Variants in CDH2 observed in about 807,000 individuals in gnomAD.
CDH2 encodes the protein cadherin 2.
Under a neutral mutation model 92.0 loss-of-function variants are expected in CDH2, and 17 were observed. That is an observed-to-expected ratio of 0.18 (90% CI 0.13 to 0.28). The LOEUF is 0.28. CDH2 is among the 10% of genes least tolerant of loss of function. The pLI is 1.00. For synonymous variants in CDH2, 419 were observed against 415.9 expected (o/e 1.01, Z -0.09); for missense variants, 862 against 1,133.1 (o/e 0.76, Z 3.44).
At chr18:28,106,336 G>C (rs908305684) in intron 2 of CDH2, among the ~76,000 whole-genome samples, 6 of 152,176 alleles carry the variant, frequency 3.9e-5, no homozygotes, top group African/African-American at 1.4e-4. Context: ...AGAATCGCTT[G>C]AACCTGGGAG....
At chr18:28,006,091 A>C in intron 5 of CDH2, 98 bp from the exon 6 acceptor site, 43 of 968,794 alleles carry the variant, frequency 4.4e-5, no homozygotes, top group Non-Finnish European at 6.4e-5. Context: ...GAATAAACTC[A>C]CAGCTGAAAA....
At chr18:28,168,062 G>A (rs917389862) in intron 1 of CDH2, among the ~76,000 whole-genome samples, 3 of 152,206 alleles carry the variant, frequency 2.0e-5, no homozygotes, top group South Asian at 2.1e-4. Flanking sequence ...TATGTTAAGC[G>A]GGAGCGGGGG....
intron 15 of CDH2, chr18:27,954,466 C>T (rs932354796): frequency 8.5e-5 from 13 of 152,274 alleles, no homozygotes; most frequent in African/African-American, 3.1e-4. Context: ...TTCAAGAACT[C>T]TATCTAATGT....
At chr18:28,170,219 C>A (rs182762389) in intron 1 of CDH2, among the ~76,000 whole-genome samples, 1 of 152,296 alleles carries the variant, frequency 6.6e-6, no homozygotes, top group Non-Finnish European at 1.5e-5. Flanking sequence ...TTTAGGTTAT[C>A]TTCATTCTTA....
chr18:28,112,429 G>C (rs1215892098), intron 2 of CDH2, among the ~76,000 whole-genome samples: 1 of 152,172 alleles, frequency 6.6e-6, no homozygotes, highest in Non-Finnish European at 1.5e-5. Flanking sequence ...CAAATGGCCA[G>C]TAAAGAGGCC....
intron 2 of CDH2, among the ~76,000 whole-genome samples, chr18:28,072,694 A>G (rs1324780874): frequency 1.3e-5 from 2 of 152,258 alleles, no homozygotes; most frequent in African/African-American, 2.4e-5. Context: ...AGGCTTTCTG[A>G]GCTTTATGAT....
At chr18:27,959,191 T>G (rs1489703743) in intron 15 of CDH2, among the ~76,000 whole-genome samples, 5 of 152,208 alleles carry the variant, frequency 3.3e-5, no homozygotes, top group Non-Finnish European at 7.3e-5. Flanking sequence ...GAAGGTCATG[T>G]TTAAAAATTC....
chr18:28,162,960 T>A (rs1208606170), intron 1 of CDH2, among the ~76,000 whole-genome samples: 1 of 152,172 alleles, frequency 6.6e-6, no homozygotes, highest in East Asian at 1.9e-4. Context: ...GTCGGCTATC[T>A]AGAAGGTTCT....
chr18:28,034,369 A>T (rs1252025526), intron 2 of CDH2, among the ~76,000 whole-genome samples: 1 of 152,140 alleles, frequency 6.6e-6, no homozygotes, highest in Non-Finnish European at 1.5e-5. Flanking sequence ...TGAAAAATAC[A>T]ATGGTTTTTC....
At position 28,177,061 on chromosome 18, in the gene CDH2, G is replaced by A; in HGVS notation, c.-39C>T. On this transcript the variant is annotated 5_prime_UTR_variant, in exon 1 of 16. Transcript: ENST00000269141. ...GGCCGAGCGAAGAGCCGGAGGAGGC[G>A]GCGGCGGCGGCGGCGGCGGCGGAGG... is the stretch of plus-strand genomic sequence containing the variant. 1.6e-6 allele frequency: 2 copies of A among 1,228,370 alleles called. No individual in the cohort carries two copies. Among genetic ancestry groups the A allele is most frequent in the East Asian group, 3.2e-5 (1 of 31,278 alleles). The allele number at this position is 1,228,370 out of a possible 1,614,324, so 76.1% of individuals were successfully genotyped here.
chr18:27,963,321 A>C (rs745585427), intron 15 of CDH2, 36 bp downstream of exon 15: 1 of 1,601,832 alleles, frequency 6.2e-7, no homozygotes, highest in Non-Finnish European at 8.5e-7. Context: ...GCATGAAATG[A>C]AAACTCTTAT....
downstream of CDH2, among the ~76,000 whole-genome samples, chr18:27,947,653 ATATAAG>A (rs769463829): frequency 1.0e-4 from 15 of 147,568 alleles, no homozygotes; most frequent in Admixed American, 6.0e-4. Context: ...TAAGTATGTG[ATATAAG>A]TATATGTGAT....
Position 27,995,313 on chromosome 18 carries a change from C to CG in CDH2, c.1021-1677_1021-1676insC, listed in dbSNP as rs767713105. On this transcript the variant is annotated intron_variant, in intron 7 of 15. Transcript: ENST00000269141. ...TGGGCGACAGAATGAGACTCCATCT[C>CG]AAAAAAAAAAAAAAAAAAAAAATGT... is the stretch of plus-strand genomic sequence containing the variant. 8.7e-5 allele frequency among the ~76,000 whole-genome samples: 7 copies of CG among 80,262 alleles called. No homozygotes were observed. In the East Asian group the frequency reaches 2.0e-3, roughly 23 times the overall value. The allele number at this position is 80,262 out of a possible 152,430, so 52.7% of individuals were successfully genotyped here.
At chr18:28,077,372 CG>C (rs1449449914) in intron 2 of CDH2, among the ~76,000 whole-genome samples, 2 of 151,908 alleles carry the variant, frequency 1.3e-5, no homozygotes, top group African/African-American at 4.8e-5. Flanking sequence ...AAGATGTTAC[CG>C]GATCAGAAAT....
chr18:28,174,641 T>C (rs1031378821), intron 1 of CDH2, among the ~76,000 whole-genome samples: 4 of 152,202 alleles, frequency 2.6e-5, no homozygotes, highest in African/African-American at 7.2e-5. Flanking sequence ...ACGATATTTT[T>C]AGAAACACTT....
chr18:28,045,665 G>A (rs1280246383), intron 2 of CDH2: 2 of 275,164 alleles, frequency 7.3e-6, no homozygotes, highest in African/African-American at 2.2e-5. Flanking sequence ...AGCAGACAAA[G>A]CCCTCCCCCA....
intron 2 of CDH2, among the ~76,000 whole-genome samples, chr18:28,033,397 T>C (rs1426223406): frequency 6.6e-6 from 1 of 152,106 alleles, no homozygotes; most frequent in African/African-American, 2.4e-5. Flanking sequence ...TCCATTAGTC[T>C]GAAGGGAGAA....
chr18:28,116,055 C>T (rs775173484), intron 2 of CDH2, among the ~76,000 whole-genome samples: 1 of 152,096 alleles, frequency 6.6e-6, no homozygotes, highest in Non-Finnish European at 1.5e-5. Flanking sequence ...GGAGAAACTT[C>T]GGTTGTCACA....
chr18:27,962,921 T>C (rs1234171035), intron 15 of CDH2, among the ~76,000 whole-genome samples: 2 of 152,306 alleles, frequency 1.3e-5, no homozygotes, highest in Admixed American at 1.3e-4. Context: ...ATGGAGTCAT[T>C]GGGCAGGCAC....
Sources: gnomAD v4.1 joint callset for allele counts (sites outside exome capture counted in the v4.1 genomes callset) on GRCh38, gnomAD v4.1.1 for gene constraint, MANE v1.5 for transcripts, NCBI Gene and HGNC (gene_info 2026-07-23, HGNC 2026-07-21) for gene names.